SLAMF1: variants seen among roughly 807,000 people sequenced by gnomAD.
SLAMF1 encodes signaling lymphocytic activation molecule family member 1, also known as signaling lymphocytic activation molecule.
A neutral mutation model predicts 35.1 loss-of-function variants in SLAMF1; 18 were observed. That is an observed-to-expected ratio of 0.51 (90% CI 0.35 to 0.76). The LOEUF (loss-of-function observed/expected upper bound fraction) is 0.76, where lower values mean the gene tolerates loss of function less well. Ranked by LOEUF, SLAMF1 falls within the 30% of genes least tolerant of loss-of-function variation. SLAMF1 has a pLI of 0.01. For missense variants in SLAMF1, 392 were observed against 413.0 expected, an observed-to-expected ratio of 0.95 and a Z score of 0.44; for synonymous variants, 168 against 157.2, an observed-to-expected ratio of 1.07 and a Z score of -0.51.
rs73024341 is a variant in SLAMF1, at chr1:160,642,120, C to G, written c.77-4591G>C. Reference sequence around the variant, plus strand: ...TCTTTCAGGTACAGAAGGAACAGAACTTACAGACCCCACAGTTCTTTTGGT... The same window carrying G: ...TCTTTCAGGTACAGAAGGAACAGAAGTTACAGACCCCACAGTTCTTTTGGT... On this transcript the variant is annotated intron_variant, in intron 1 of 6. Transcript: ENST00000302035. The surrounding 1 kb of genome is among the most constrained non-coding windows in gnomAD (Gnocchi z 4.2). Among the ~76,000 whole-genome samples, 547 of 152,296 alleles carry G rather than the reference C, an allele frequency of 3.6e-3. 6 individuals are homozygous for G. Among genetic ancestry groups the G allele is most frequent in the African/African-American group, 0.013 (526 of 41,570 alleles).
rs1658899588 is a variant in SLAMF1 at position 160,610,066 on chromosome 1, A to G, written c.*682T>C. On this transcript the variant is annotated 3_prime_UTR_variant, in exon 7 of 7. Coordinates refer to ENST00000302035, the MANE Select transcript of SLAMF1 (RefSeq NM_003037.5). ...AGAACTGTACTTTTAAGGCTCTTAC[A>G]TGGTTTCCAGTCCACTGTTCAAAAC... The G allele has an allele frequency of 6.5e-6, 2 of 309,586 alleles. No individual in the cohort carries two copies. The highest frequency in any genetic ancestry group is 2.2e-5 in the African/African-American group (1 of 45,208). The allele number at this position is 309,586 out of a possible 1,614,324, so 19.2% of individuals were successfully genotyped here. A position where few individuals can be genotyped will look rare whatever the true frequency, so the allele number is the denominator to read the frequency against.
In SLAMF1 at chr1:160,618,067, T is replaced by C. The variant is rs940971619; in HGVS notation, c.864+1709A>G. Among the ~76,000 whole-genome samples the C allele has an allele frequency of 8.9e-5, 12 of 135,280 alleles. No homozygotes were observed. In the East Asian group the frequency reaches 1.1e-3, roughly 12 times the overall value. The allele number at this position is 135,280 out of a possible 152,430, so 88.7% of individuals were successfully genotyped here. ...CAGCCTGGGCGATAAAGCAAGACTC[T>C]GTCAAAAAACAAAAAACAAAAAACA... On this transcript the variant is annotated intron_variant, in intron 5 of 6. Transcript: ENST00000302035.
In SLAMF1 at chr1:160,631,183, C is replaced by T. The variant is rs565171795; in HGVS notation, c.700+3430G>A. ...GAACTGGTAGTATTCGTTATTCATG[C>T]GCAAACACAAATCAAGGTACTGATA... On this transcript the variant is annotated intron_variant, in intron 3 of 6. Coordinates refer to ENST00000302035, the MANE Select transcript of SLAMF1 (RefSeq NM_003037.5). Among the ~76,000 whole-genome samples, 13 of 152,280 alleles carry T rather than the reference C, an allele frequency of 8.5e-5. No individual in the cohort carries two copies. The East Asian group carries it at 1.9e-3, about 23-fold the overall frequency.
At chr1:160,612,013 A>G (rs151008421) in intron 6 of SLAMF1, among the ~76,000 whole-genome samples, 37 of 152,042 alleles carry the variant, frequency 2.4e-4, no homozygotes, top group African/African-American at 7.7e-4. Flanking sequence ...AGTCCCTAGG[A>G]ATCTTTATTT....
At chr1:160,633,203 G>T (rs1285373047) in intron 3 of SLAMF1, among the ~76,000 whole-genome samples, 2 of 152,174 alleles carry the variant, frequency 1.3e-5, no homozygotes, top group Non-Finnish European at 2.9e-5. Flanking sequence ...AAATGACTGT[G>T]GGTGGGGAGA....
intron 2 of SLAMF1, among the ~76,000 whole-genome samples, chr1:160,636,781 G>A (rs367898606): frequency 1.3e-5 from 2 of 152,184 alleles, no homozygotes; most frequent in Middle Eastern, 3.2e-3. Flanking sequence ...TGTGCTAACC[G>A]CTTCTGGTTA....
At chr1:160,632,471 G>C (rs778707025) in intron 3 of SLAMF1, among the ~76,000 whole-genome samples, 4 of 152,098 alleles carry the variant, frequency 2.6e-5, no homozygotes, top group African/African-American at 7.2e-5. Context: ...GTGCATTCTT[G>C]GTCCTCAGAG....
intron 3 of SLAMF1, among the ~76,000 whole-genome samples, chr1:160,629,828 C>G (rs1203697827): frequency 6.6e-6 from 1 of 152,178 alleles, no homozygotes; most frequent in East Asian, 1.9e-4. Context: ...TGCAAAGTTT[C>G]CAGGTTTTTC....
In SLAMF1 at chr1:160,642,414, C is replaced by T. The variant is rs1275531001; in HGVS notation, c.76+4456G>A. Among the ~76,000 whole-genome samples the T allele has an allele frequency of 1.3e-5, 2 of 152,202 alleles. No homozygotes were observed. Among genetic ancestry groups the T allele is most frequent in the East Asian group, 3.8e-4 (2 of 5,200 alleles). On this transcript the variant is annotated intron_variant, in intron 1 of 6. Transcript: ENST00000302035. The surrounding 1 kb of genome is among the most constrained non-coding windows in gnomAD (Gnocchi z 4.2). ...TTAGGTTGGGTTTTCCTGTCACAGA[C>T]TTCCAATGGACAATGAACGCACTCC... is the stretch of plus-strand genomic sequence containing the variant.
intron 5 of SLAMF1, among the ~76,000 whole-genome samples, chr1:160,617,504 A>C (rs911724417): frequency 2.0e-5 from 3 of 152,230 alleles, no homozygotes; most frequent in African/African-American, 7.2e-5. Flanking sequence ...AAAAGAATGC[A>C]TTATATCTAA....
chr1:160,618,559 TA>T (rs1235338820), intron 5 of SLAMF1, among the ~76,000 whole-genome samples: 1 of 152,136 alleles, frequency 6.6e-6, no homozygotes, highest in East Asian at 1.9e-4. Flanking sequence ...TGGCTACAAA[TA>T]GAGTAGAGAA....
rs1290453130 is a variant in SLAMF1 at position 160,609,664 on chromosome 1, C to T, written c.*1084G>A. The stretch of plus-strand genomic sequence containing the variant: ...ACTTTACTTAAAAAGTCTCTTTCTG[C>T]CTGCAGCTTGCAAAATAAGTTATTG... On this transcript the variant is annotated 3_prime_UTR_variant, in exon 7 of 7. Transcript: ENST00000302035. The T allele has an allele frequency of 6.6e-6, 1 of 152,170 alleles. No individual in the cohort carries two copies. Among genetic ancestry groups the T allele is most frequent in the African/African-American group, 2.4e-5 (1 of 41,434 alleles). The allele number at this position is 152,170 out of a possible 1,614,324, so 9.4% of individuals were successfully genotyped here.
At chr1:160,612,165 C>T (rs189176898) in intron 6 of SLAMF1, among the ~76,000 whole-genome samples, 74 of 152,158 alleles carry the variant, frequency 4.9e-4, no homozygotes, top group African/African-American at 1.8e-3. Flanking sequence ...CACAGAGACT[C>T]CTTTTTGCCT....
chr1:160,610,612 C>G lies in SLAMF1; in HGVS notation c.*136G>C. On this transcript the variant is annotated 3_prime_UTR_variant, in exon 7 of 7. Transcript: ENST00000302035. ...TCACAGATGTATGTGGAAGAAACAT[C>G]ACCAGGGAGTTGATCTGAGAAGGGT... is the stretch of plus-strand genomic sequence containing the variant. 1.5e-6 allele frequency: 1 copy of G among 680,310 alleles called. No homozygotes were observed. Among genetic ancestry groups the G allele is most frequent in the East Asian group, 2.5e-5 (1 of 39,266 alleles). The allele number at this position is 680,310 out of a possible 1,614,324, so 42.1% of individuals were successfully genotyped here.
intron 5 of SLAMF1, among the ~76,000 whole-genome samples, chr1:160,618,805 C>G (rs2753260): frequency 2.0e-5 from 3 of 152,004 alleles, no homozygotes; most frequent in African/African-American, 4.8e-5. Flanking sequence ...ACACTATGGT[C>G]AAGGTGAACC....
chr1:160,617,167 T>TA (rs997766216), intron 5 of SLAMF1, among the ~76,000 whole-genome samples: 13 of 148,376 alleles, frequency 8.8e-5, no homozygotes, highest in African/African-American at 1.5e-4. Context: ...AAAAAAAATT[T>TA]AAAAAAAAAA....
chr1:160,615,026 C>T (rs192639326), intron 5 of SLAMF1, among the ~76,000 whole-genome samples: 1 of 152,022 alleles, frequency 6.6e-6, no homozygotes, highest in Non-Finnish European at 1.5e-5. Flanking sequence ...TCCTAGCACA[C>T]AGTAAACACT....
chr1:160,620,025 G>A (rs1411857532), intron 4 of SLAMF1, among the ~76,000 whole-genome samples, 176 bp from the exon 5 acceptor site: 1 of 152,160 alleles, frequency 6.6e-6, no homozygotes, highest in African/African-American at 2.4e-5. Context: ...TTAGTTACTT[G>A]ATCACTCTAG....
Position 160,610,394 on chromosome 1 carries a change from TGGCTTTC to T in SLAMF1, c.*347_*353del. The stretch of plus-strand genomic sequence containing the variant: ...GTGTGAGATAGGTACTCAGATGTCC[TGGCTTTC>T]AGTCTGATTTTTATTATCCAGTTCC... On this transcript the variant is annotated 3_prime_UTR_variant, in exon 7 of 7. Transcript: ENST00000302035. 2.1e-6 allele frequency: 1 copy of T among 466,894 alleles called. No individual in the cohort carries two copies. Among genetic ancestry groups the T allele is most frequent in the South Asian group, 1.6e-5 (1 of 64,338 alleles). 28.9% of individuals were successfully genotyped at this position (466,894 alleles called of 1,614,324 possible).
Sources: allele counts gnomAD v4.1 joint callset (sites outside exome capture counted in the v4.1 genomes callset), GRCh38; gene constraint gnomAD v4.1.1; non-coding constraint Gnocchi (gnomAD v3.1); transcripts MANE v1.5; gene names NCBI Gene and HGNC (gene_info 2026-07-23, HGNC 2026-07-21).